SCARB1: variants seen among roughly 807,000 people sequenced by gnomAD.
SCARB1 encodes the protein CD36 and LIMPII analogous 1.
SCARB1 carries 30 observed loss-of-function variants against 57.2 expected under a neutral mutation model. The ratio of observed to expected loss-of-function variants is 0.52; its 90% confidence interval spans 0.39 to 0.71. SCARB1 has a LOEUF of 0.71. Ranked by LOEUF, SCARB1 falls within the 30% of genes least tolerant of loss-of-function variation. The pLI, the probability that SCARB1 is intolerant of heterozygous loss-of-function variation, is 0.00. For synonymous variants in SCARB1, 249 were observed against 268.3 expected (o/e 0.93, Z 0.70); for missense variants, 543 against 671.2 (o/e 0.81, Z 2.11).
chr12:124,797,767 T>TGGGGCC (rs920080002), intron 8 of SCARB1, among the ~76,000 whole-genome samples: 9 of 152,256 alleles, frequency 5.9e-5, no homozygotes, highest in African/African-American at 1.9e-4. Context: ...AGACCAGGGC[T>TGGGGCC]GGGGCCGGGG....
chr12:124,825,237 A>G (rs1951102905), intron 1 of SCARB1, among the ~76,000 whole-genome samples: 2 of 151,294 alleles, frequency 1.3e-5, no homozygotes, highest in South Asian at 2.1e-4. Context: ...AAAAAAAAAA[A>G]AAAAAAAAAA....
chr12:124,802,613 G>T lies in SCARB1; in HGVS notation c.1010-2371C>A, dbSNP rs992123108. Among the ~76,000 whole-genome samples, 3 of 152,184 alleles carry T rather than the reference G, an allele frequency of 2.0e-5. No homozygotes were observed. In the South Asian group the frequency reaches 6.2e-4, roughly 31 times the overall value. ...AGCCCCCGCCCTTGCTTCAGAGGCC[G>T]AGCCTGCATGGACCCACGCACGTGT... On this transcript the variant is annotated intron_variant, in intron 7 of 12. Transcript: ENST00000261693.
intron 11 of SCARB1, chr12:124,785,965 C>A: frequency 8.6e-7 from 1 of 1,164,326 alleles, no homozygotes; most frequent in South Asian, 1.7e-5. Flanking sequence ...GATGCCAGCC[C>A]CCCTCAATCC....
chr12:124,786,621 C>T (rs989679251), intron 10 of SCARB1, 118 bp from the exon 11 acceptor site: 50 of 1,537,148 alleles, frequency 3.3e-5, no homozygotes, highest in African/African-American at 1.1e-4. Context: ...TCAAGCTTCC[C>T]GGCTAAAGCA....
intron 8 of SCARB1, among the ~76,000 whole-genome samples, chr12:124,795,862 A>C (rs1451437863): frequency 2.6e-5 from 4 of 152,208 alleles, no homozygotes; most frequent in Non-Finnish European, 5.9e-5. Context: ...AATATTTTAC[A>C]TAGAGCCTAA....
chr12:124,803,949 T>G (rs1341432175), intron 7 of SCARB1, among the ~76,000 whole-genome samples: 3 of 152,196 alleles, frequency 2.0e-5, no homozygotes, highest in Non-Finnish European at 4.4e-5. Context: ...TTTGCGCTTT[T>G]GAAATTCTTT....
chr12:124,780,533 C>T lies in SCARB1; in HGVS notation c.*1-1947G>A, dbSNP rs182386237. 6.6e-5 allele frequency among the ~76,000 whole-genome samples: 10 copies of T among 152,348 alleles called. No homozygotes were observed. In the East Asian group the frequency reaches 1.9e-3, roughly 29 times the overall value. On this transcript the variant is annotated intron_variant, in intron 12 of 12. Transcript: ENST00000261693. ...GGCCTGCAGGGGGACCACCAGCCAC[C>T]ACCCAGGTGCCCACCCCAAGCTGCA...
intron 9 of SCARB1, among the ~76,000 whole-genome samples, chr12:124,794,069 A>T (rs558884850): frequency 4.1e-4 from 63 of 152,368 alleles, no homozygotes; most frequent in African/African-American, 1.4e-3. Flanking sequence ...GTATGATTCC[A>T]TTTATATGAA....
chr12:124,855,246 T>A (rs1338621718), intron 1 of SCARB1, among the ~76,000 whole-genome samples: 2 of 151,890 alleles, frequency 1.3e-5, no homozygotes, highest in East Asian at 3.9e-4. Context: ...AGGCAATCAG[T>A]GAACAGGAAG....
intron 9 of SCARB1, among the ~76,000 whole-genome samples, chr12:124,788,240 C>T (rs1234664281): frequency 6.6e-6 from 1 of 152,222 alleles, no homozygotes; most frequent in African/African-American, 2.4e-5. Flanking sequence ...AAACTAAAAA[C>T]TCACATCTCC....
rs745954074 is a variant in SCARB1, at chr12:124,833,714, C to T, written c.127-16007G>A. On this transcript the variant is annotated intron_variant, in intron 1 of 12. Coordinates refer to ENST00000261693, the MANE Select transcript of SCARB1 (RefSeq NM_005505.5). ...CCCCGTGCACCCCTTCCTCTCCCCACAGCCCTATCTTGGCCAGAAGGCAGG... is the reference window on the plus strand; with the variant it reads ...CCCCGTGCACCCCTTCCTCTCCCCATAGCCCTATCTTGGCCAGAAGGCAGG... Among the ~76,000 whole-genome samples, 70 of 152,190 alleles carry T rather than the reference C, an allele frequency of 4.6e-4. 2 individuals are homozygous for T. Among genetic ancestry groups the T allele is most frequent in the Non-Finnish European group, 1.8e-4 (12 of 68,036 alleles).
Position 124,823,070 on chromosome 12 carries a change from C to T in SCARB1, c.127-5363G>A, listed in dbSNP as rs565651629. On this transcript the variant is annotated intron_variant, in intron 1 of 12. Transcript: ENST00000261693. ...TACACATATAATCCCATTTATGTGACGTTCTAAAACAGGCAAGACTAACAT... is the reference window on the plus strand; with the variant it reads ...TACACATATAATCCCATTTATGTGATGTTCTAAAACAGGCAAGACTAACAT... 4.6e-5 allele frequency among the ~76,000 whole-genome samples: 7 copies of T among 152,254 alleles called. No homozygotes were observed. In the East Asian group the frequency reaches 5.8e-4, roughly 13 times the overall value.
rs1949660226 is a variant in SCARB1 at position 124,789,895 on chromosome 12, C to A, written c.1203-2438G>T. On this transcript the variant is annotated intron_variant, in intron 9 of 12. Coordinates refer to ENST00000261693, the MANE Select transcript of SCARB1 (RefSeq NM_005505.5). This position sits in a 1 kb window ranked among gnomAD's most constrained non-coding sequence, Gnocchi z 4.4. ...ACGTGGTGGCACATGCCTGTAATCCCAGCTACTCGGGAGGCTGAGGCAGGA... is the reference window on the plus strand; with the variant it reads ...ACGTGGTGGCACATGCCTGTAATCCAAGCTACTCGGGAGGCTGAGGCAGGA... Among the ~76,000 whole-genome samples the A allele has an allele frequency of 6.6e-6, 1 of 151,422 alleles. No individual in the cohort carries two copies. The highest frequency in any genetic ancestry group is 1.5e-5 in the Non-Finnish European group (1 of 67,976).
At chr12:124,857,777 C>T (rs947374789) in intron 1 of SCARB1, among the ~76,000 whole-genome samples, 7 of 152,188 alleles carry the variant, frequency 4.6e-5, no homozygotes, top group African/African-American at 1.7e-4. Context: ...GGAAGCCCAG[C>T]AGCAGGACAA....
At chr12:124,825,490 G>A (rs545950640) in intron 1 of SCARB1, among the ~76,000 whole-genome samples, 185 of 152,140 alleles carry the variant, frequency 1.2e-3, no homozygotes, top group Non-Finnish European at 1.9e-3. Context: ...GGCCAACATG[G>A]TGCAACCCCG....
At chr12:124,798,846 GA>G (rs377087563) in intron 8 of SCARB1, among the ~76,000 whole-genome samples, 2 of 129,556 alleles carry the variant, frequency 1.5e-5, no homozygotes, top group Admixed American at 8.0e-5. Flanking sequence ...CTCCATCTCA[GA>G]AAAAAAAAAG....
chr12:124,826,828 T>C (rs915206668), intron 1 of SCARB1, among the ~76,000 whole-genome samples: 2 of 152,124 alleles, frequency 1.3e-5, no homozygotes, highest in South Asian at 4.2e-4. Context: ...ACAATTGACA[T>C]GGGCCTCTTG....
intron 1 of SCARB1, among the ~76,000 whole-genome samples, chr12:124,845,134 T>A (rs1245838359): frequency 6.6e-6 from 1 of 151,932 alleles, no homozygotes; most frequent in Non-Finnish European, 1.5e-5. Flanking sequence ...AAGGAGGGCA[T>A]AAAAGGAGAC....
chr12:124,813,702 C>A (rs949512438), intron 4 of SCARB1, among the ~76,000 whole-genome samples: 12 of 152,122 alleles, frequency 7.9e-5, no homozygotes, highest in African/African-American at 2.9e-4. Flanking sequence ...GATATCCCCC[C>A]CAGCACTCTA....
Sources: gnomAD v4.1 joint callset for allele counts (sites outside exome capture counted in the v4.1 genomes callset) on GRCh38, gnomAD v4.1.1 for gene constraint, Gnocchi (gnomAD v3.1) non-coding constraint, MANE v1.5 for transcripts, NCBI Gene and HGNC (gene_info 2026-07-23, HGNC 2026-07-21) for gene names.